IRX6: variants seen among roughly 807,000 people sequenced by gnomAD.
IRX6 encodes the protein iroquois homeobox 6.
In IRX6, 46 loss-of-function variants were observed where a neutral mutation model predicts 47.7. The ratio of observed to expected loss-of-function variants is 0.96; its 90% confidence interval spans 0.76 to 1.23. The LOEUF (loss-of-function observed/expected upper bound fraction) is 1.23. IRX6 is among the 50% of genes most tolerant of loss of function. The pLI is 0.00. For missense variants in IRX6, 722 were observed against 588.0 expected, an observed-to-expected ratio of 1.23 and a Z score of -2.36; for synonymous variants, 265 against 246.2, an observed-to-expected ratio of 1.08 and a Z score of -0.72.
Position 55,327,337 on chromosome 16 carries a change from A to C in IRX6, c.345A>C (p.Thr115=). 6.2e-7 allele frequency: 1 copy of C among 1,613,980 alleles called. No individual in the cohort carries two copies. The highest frequency in any genetic ancestry group is 1.1e-5 in the South Asian group (1 of 91,082). The part of the protein sequence containing the change: ...YEFKEAAGSF[T]SSLAQPGAYY... ...TTAAGGAGGCTGCAGGGAGTTTTAC[A>C]TCCAGCCTGGCACAACCAGGAGCCT... is the stretch of plus-strand genomic sequence containing the variant. Residue 115 remains threonine, a synonymous_variant, in exon 3 of 6, where the codon ACA becomes ACC. Coordinates refer to ENST00000290552, the MANE Select transcript of IRX6 (RefSeq NM_024335.3).
chr16:55,324,918 G>C lies in IRX6; in HGVS notation c.-174G>C, dbSNP rs1223059188. The C allele has an allele frequency of 4.6e-6, 3 of 648,864 alleles. No homozygotes were observed. The highest frequency in any genetic ancestry group is 8.0e-6 in the Non-Finnish European group (3 of 373,424). The allele number at this position is 648,864 out of a possible 1,614,324, so 40.2% of individuals were successfully genotyped here. On this transcript the variant is annotated 5_prime_UTR_variant, in exon 1 of 6. Coordinates refer to ENST00000290552, the MANE Select transcript of IRX6 (RefSeq NM_024335.3). This position sits in a 1 kb window ranked among gnomAD's most constrained non-coding sequence, Gnocchi z 4.4. ...GGCGCCTTCCGGAGCGCAGGGCTCGGCAGCCGGGCTGCCCTCGGCTCTGCC... is the reference window on the plus strand; with the variant it reads ...GGCGCCTTCCGGAGCGCAGGGCTCGCCAGCCGGGCTGCCCTCGGCTCTGCC...
rs1297719285 is a variant in IRX6 at position 55,326,538 on chromosome 16, G to T, written c.248G>T (p.Ser83Ile). 5.7e-6 allele frequency: 9 copies of T among 1,587,600 alleles called. No individual in the cohort carries two copies. Among genetic ancestry groups the T allele is most frequent in the Non-Finnish European group, 6.9e-6 (8 of 1,166,122 alleles). The change falls in exon 2 of 6, where the codon AGC becomes ATC. Residue 83 changes from serine (S) to isoleucine (I), a missense_variant. Coordinates refer to ENST00000290552, the MANE Select transcript of IRX6 (RefSeq NM_024335.3). ...TATGCGGCCGCTGCAGCTGCCCAGAGCTACCCTGGCTACCTGCCCTATAGC... is the reference window on the plus strand; with the variant it reads ...TATGCGGCCGCTGCAGCTGCCCAGATCTACCCTGGCTACCTGCCCTATAGC... ...APYAAAAAAQSYPGYLPYSPE... is the reference protein window; with the variant it reads ...APYAAAAAAQIYPGYLPYSPE...
chr16:55,324,747 C>T lies in IRX6; in HGVS notation c.-345C>T, dbSNP rs1457974788. The T allele has an allele frequency of 2.9e-6, 1 of 348,076 alleles. No individual in the cohort carries two copies. The highest frequency in any genetic ancestry group is 5.3e-6 in the Non-Finnish European group (1 of 187,344). The allele number at this position is 348,076 out of a possible 1,614,324, so 21.6% of individuals were successfully genotyped here. A position where few individuals can be genotyped will look rare whatever the true frequency, so the allele number is the denominator to read the frequency against. On this transcript the variant is annotated 5_prime_UTR_variant, in exon 1 of 6. Coordinates refer to ENST00000290552, the MANE Select transcript of IRX6 (RefSeq NM_024335.3). This position sits in a 1 kb window ranked among gnomAD's most constrained non-coding sequence, Gnocchi z 4.4. Reference sequence around the variant, plus strand: ...GACGTCACATTGAGCCTCTGGCCACCTTGGACTGGGACACCTCCGGAGCCT... The same window carrying T: ...GACGTCACATTGAGCCTCTGGCCACTTTGGACTGGGACACCTCCGGAGCCT...
At position 55,327,721 on chromosome 16, in the gene IRX6, C is replaced by T. The variant is rs774497021; in HGVS notation, c.549C>T (p.Ala183=). ...YPTKGEKIML[A]IITKMTLTQV... ...CTAAGGGTGAGAAGATCATGCTGGC[C>T]ATCATCACCAAGATGACCCTCACCC... The change falls in exon 4 of 6, where the codon GCC becomes GCT. Residue 183 remains alanine (A), a synonymous_variant. Coordinates refer to ENST00000290552, the MANE Select transcript of IRX6 (RefSeq NM_024335.3). 1 of 1,612,304 alleles carries T rather than the reference C, an allele frequency of 6.2e-7. No individual in the cohort carries two copies. The highest frequency in any genetic ancestry group is 8.5e-7 in the Non-Finnish European group (1 of 1,180,016).
At chr16:55,329,701 C>G (rs566577955) in intron 5 of IRX6, among the ~76,000 whole-genome samples, 76 of 151,170 alleles carry the variant, frequency 5.0e-4, no homozygotes, top group African/African-American at 1.8e-3. Flanking sequence ...CTGGTCCCTG[C>G]TGTGCTGCTC....
In IRX6 at chr16:55,330,284, C is replaced by G; in HGVS notation, c.1334-14C>G. ...AAACAGCCTTTGGGTTTTAATCAACCTTTCCTCTCTCAGCAGGTTAGCGCA... is the reference window on the plus strand; with the variant it reads ...AAACAGCCTTTGGGTTTTAATCAACGTTTCCTCTCTCAGCAGGTTAGCGCA... On this transcript the variant is annotated splice_polypyrimidine_tract_variant and intron_variant, in intron 5 of 5. Transcript: ENST00000290552. 6.2e-7 allele frequency: 1 copy of G among 1,613,538 alleles called. No individual in the cohort carries two copies. Among genetic ancestry groups the G allele is most frequent in the Non-Finnish European group, 8.5e-7 (1 of 1,179,436 alleles).
chr16:55,330,350 C>T lies in IRX6; in HGVS notation c.*45C>T, dbSNP rs17230294. The T allele has an allele frequency of 4.4e-6, 7 of 1,602,782 alleles. No homozygotes were observed. Among genetic ancestry groups the T allele is most frequent in the Non-Finnish European group, 5.1e-6 (6 of 1,169,736 alleles). On this transcript the variant is annotated 3_prime_UTR_variant, in exon 6 of 6. Coordinates refer to ENST00000290552, the MANE Select transcript of IRX6 (RefSeq NM_024335.3). ...GAAAGAATCTTGGAAATGGGCCCCACGTTTCGAATTCATCTCCAGGTTAAG... is the reference window on the plus strand; with the variant it reads ...GAAAGAATCTTGGAAATGGGCCCCATGTTTCGAATTCATCTCCAGGTTAAG...
chr16:55,330,655 A>G lies in IRX6; in HGVS notation c.*350A>G. On this transcript the variant is annotated 3_prime_UTR_variant, in exon 6 of 6. Coordinates refer to ENST00000290552, the MANE Select transcript of IRX6 (RefSeq NM_024335.3). ...CCTGTCTCTCACCTCCACCAACCCC[A>G]CTCACTTTGTAACTTCATCACTGAC... 2.6e-6 allele frequency: 1 copy of G among 386,778 alleles called. No homozygotes were observed. Among genetic ancestry groups the G allele is most frequent in the Non-Finnish European group, 4.8e-6 (1 of 209,770 alleles). The allele number at this position is 386,778 out of a possible 1,614,324, so 24.0% of individuals were successfully genotyped here. A position where few individuals can be genotyped will look rare whatever the true frequency, so the allele number is the denominator to read the frequency against.
chr16:55,326,423 C>T lies in IRX6; in HGVS notation c.133C>T (p.Pro45Ser). The T allele has an allele frequency of 6.2e-7, 1 of 1,614,002 alleles. No homozygotes were observed. The highest frequency in any genetic ancestry group is 2.2e-5 in the East Asian group (1 of 44,860). The change falls in exon 2 of 6, where the codon CCC (proline) becomes TCC (serine). Residue 45 changes from proline to serine, a missense_variant. Physicochemically the swap from Pro to Ser is moderately conservative, Grantham distance 74 (BLOSUM62 -1). Coordinates refer to ENST00000290552, the MANE Select transcript of IRX6 (RefSeq NM_024335.3). ...SDVASGSTPA[P>S]ALCCAPYDSR... ...TGTGGCATCAGGCTCCACCCCAGCG[C>T]CCGCTCTCTGCTGCGCACCCTACGA...
At chr16:55,330,200 C>A in intron 5 of IRX6, 98 bp from the exon 6 acceptor site, 3 of 1,081,062 alleles carry the variant, frequency 2.8e-6, no homozygotes, top group Admixed American at 1.7e-5. Context: ...GCCTCTAGAC[C>A]ATTTGCTTGC....
At position 55,324,680 on chromosome 16, in the gene IRX6, T is replaced by G. The variant is rs1370432289; in HGVS notation, c.-412T>G. On this transcript the variant is annotated 5_prime_UTR_variant, in exon 1 of 6. Coordinates refer to ENST00000290552, the MANE Select transcript of IRX6 (RefSeq NM_024335.3). The surrounding 1 kb of genome is among the most constrained non-coding windows in gnomAD (Gnocchi z 4.4). ...GCTTGGCACGCTTGGTGGCCCAGGG[T>G]CCCGGGGCCCGGGGTCCCGTCTGGC... 12 of 214,536 alleles carry G rather than the reference T, an allele frequency of 5.6e-5. No individual in the cohort carries two copies. The highest frequency in any genetic ancestry group is 2.6e-4 in the African/African-American group (11 of 41,960). The allele number at this position is 214,536 out of a possible 1,614,324, so 13.3% of individuals were successfully genotyped here. A position where few individuals can be genotyped will look rare whatever the true frequency, so the allele number is the denominator to read the frequency against.
rs537542710 is a variant in IRX6, at chr16:55,325,118, G to A, written c.27G>A (p.Pro9=). ...TGTCCTTCCCACACTTTGGACACCCGTACCGCGGCGCTTCCCAGGTAAGAG... is the reference window on the plus strand; with the variant it reads ...TGTCCTTCCCACACTTTGGACACCCATACCGCGGCGCTTCCCAGGTAAGAG... MSFPHFGH[P]YRGASQFLAS... is the part of the protein sequence containing the mutation. Residue 9 remains proline (P), a synonymous_variant, in exon 1 of 6, where the codon CCG becomes CCA. Coordinates refer to ENST00000290552, the MANE Select transcript of IRX6 (RefSeq NM_024335.3). The A allele has an allele frequency of 1.9e-6, 3 of 1,613,954 alleles. No individual in the cohort carries two copies. The African/African-American group carries it at 4.0e-5, about 22-fold the overall frequency.
chr16:55,326,103 T>C, intron 1 of IRX6: 1 of 527,302 alleles, frequency 1.9e-6, no homozygotes. Flanking sequence ...GCCTTAGCAA[T>C]GGAGTAGGAG....
Position 55,330,756 on chromosome 16 carries a change from A to G in IRX6, c.*451A>G, listed in dbSNP as rs1250734490. ...CCTTAAAAATAATCAGTCCGAACCC[A>G]TGTAGTGTGGCCTATCTTTGCCAGA... is the stretch of plus-strand genomic sequence containing the variant. On this transcript the variant is annotated 3_prime_UTR_variant, in exon 6 of 6. Coordinates refer to ENST00000290552, the MANE Select transcript of IRX6 (RefSeq NM_024335.3). 2 of 193,790 alleles carry G rather than the reference A, an allele frequency of 1.0e-5. No individual in the cohort carries two copies. Among genetic ancestry groups the G allele is most frequent in the Non-Finnish European group, 2.2e-5 (2 of 92,846 alleles). The allele number at this position is 193,790 out of a possible 1,614,324, so 12.0% of individuals were successfully genotyped here.
Position 55,324,818 on chromosome 16 carries a change from T to G in IRX6, c.-274T>G. Reference sequence around the variant, plus strand: ...CGCCTCACCTCGCCACCACGCGCCTTTGGGAACCCGCATCTTCTTCCTTCC... The same window carrying G: ...CGCCTCACCTCGCCACCACGCGCCTGTGGGAACCCGCATCTTCTTCCTTCC... On this transcript the variant is annotated 5_prime_UTR_variant, in exon 1 of 6. Coordinates refer to ENST00000290552, the MANE Select transcript of IRX6 (RefSeq NM_024335.3). This position sits in a 1 kb window ranked among gnomAD's most constrained non-coding sequence, Gnocchi z 4.4. 1 of 527,156 alleles carries G rather than the reference T, an allele frequency of 1.9e-6. No individual in the cohort carries two copies. 32.7% of individuals were successfully genotyped at this position (527,156 alleles called of 1,614,324 possible). A position where few individuals can be genotyped will look rare whatever the true frequency, so the allele number is the denominator to read the frequency against.
At chr16:55,325,567 A>T (rs76358269) in intron 1 of IRX6, among the ~76,000 whole-genome samples, 1 of 57,570 alleles carries the variant, frequency 1.7e-5, no homozygotes, top group Non-Finnish European at 3.9e-5. Context: ...GAGAGAAAGA[A>T]AGAGAAAGAA....
chr16:55,329,634 C>T (rs1299832837), intron 5 of IRX6, among the ~76,000 whole-genome samples: 1 of 152,200 alleles, frequency 6.6e-6, no homozygotes, highest in African/African-American at 2.4e-5. Flanking sequence ...GTGTGCATCA[C>T]CATGCTCCTC....
In IRX6 at chr16:55,326,508, C is replaced by T. The variant is rs1960529155; in HGVS notation, c.218C>T (p.Ala73Val). 1 of 1,610,416 alleles carries T rather than the reference C, an allele frequency of 6.2e-7. No homozygotes were observed. Among genetic ancestry groups the T allele is most frequent in the African/African-American group, 1.3e-5 (1 of 74,996 alleles). The part of the protein sequence containing the change: ...ELGAALGIYG[A>V]PYAAAAAAQS... ...GGCGCCGCCTTGGGCATCTATGGAG[C>T]ACCCTATGCGGCCGCTGCAGCTGCC... The change falls in exon 2 of 6, where the codon GCA becomes GTA. Residue 73 changes from alanine (A) to valine (V), a missense_variant. Coordinates refer to ENST00000290552, the MANE Select transcript of IRX6 (RefSeq NM_024335.3).
Position 55,327,830 on chromosome 16 carries a change from G to A in IRX6, c.658G>A (p.Glu220Lys). ...ATGGGCGCCCAAGAACAAAGGTGGGGAGGAGAGGAAGGCAGAGGGAGGAGA... is the reference window on the plus strand; with the variant it reads ...ATGGGCGCCCAAGAACAAAGGTGGGAAGGAGAGGAAGGCAGAGGGAGGAGA... The part of the protein sequence containing the change: ...MTWAPKNKGG[E>K]ERKAEGGEED... Residue 220 changes from glutamate to lysine, a missense_variant, in exon 4 of 6, where the codon GAG becomes AAG. Transcript: ENST00000290552. 1 of 1,613,158 alleles carries A rather than the reference G, an allele frequency of 6.2e-7. No homozygotes were observed. The highest frequency in any genetic ancestry group is 2.2e-5 in the East Asian group (1 of 44,866).
Sources: allele counts gnomAD v4.1 joint callset (sites outside exome capture counted in the v4.1 genomes callset), GRCh38; gene constraint gnomAD v4.1.1; non-coding constraint Gnocchi (gnomAD v3.1); transcripts MANE v1.5; gene names NCBI Gene and HGNC (gene_info 2026-07-23, HGNC 2026-07-21).